The following FAM168A variants were observed in gnomAD, a reference collection of about 807,000 sequenced individuals.
FAM168A encodes the protein family with sequence similarity 168 member A, also known as protein FAM168A.
In FAM168A, 3 loss-of-function variants were observed where a neutral mutation model predicts 28.5. The observed-to-expected ratio is 0.11, with a 90% CI of 0.05 to 0.27. The LOEUF (loss-of-function observed/expected upper bound fraction) is 0.27. Ranked by LOEUF, FAM168A falls within the 10% of genes least tolerant of loss-of-function variation. The probability of loss-of-function intolerance (pLI) is 1.00; values close to 1 mark genes in which losing one functional copy is unlikely to be tolerated. For synonymous variants in FAM168A, 122 were observed against 124.2 expected (o/e 0.98, Z 0.12); for missense variants, 222 against 311.5 (o/e 0.71, Z 2.16).
intron 1 of FAM168A, among the ~76,000 whole-genome samples, chr11:73,541,980 CA>C (rs1210444352): frequency 6.6e-6 from 1 of 152,154 alleles, no homozygotes; most frequent in East Asian, 1.9e-4. Context: ...ACTTGCTTGG[CA>C]TTACCCAACA....
At chr11:73,576,953 TAA>T (rs11336010) in intron 1 of FAM168A, among the ~76,000 whole-genome samples, 95 of 144,724 alleles carry the variant, frequency 6.6e-4, no homozygotes, top group African/African-American at 1.0e-3. Flanking sequence ...TCCCATTATT[TAA>T]AAAAAAAAAA....
At chr11:73,463,023 C>T (rs148859305) in intron 2 of FAM168A, among the ~76,000 whole-genome samples, 7,257 of 151,606 alleles carry the variant, frequency 0.048, 549 homozygotes, top group African/African-American at 0.16. Context: ...GGCTGGAGTG[C>T]GGTGGCATGA....
At chr11:73,521,622 AT>A (rs1357742251) in intron 1 of FAM168A, among the ~76,000 whole-genome samples, 1 of 152,208 alleles carries the variant, frequency 6.6e-6, no homozygotes, top group Non-Finnish European at 1.5e-5. Flanking sequence ...ACAACCACAG[AT>A]TATCTTCACT....
chr11:73,402,131 A>C lies in FAM168A; in HGVS notation c.*4632T>G, dbSNP rs1866423708. 1 of 152,254 alleles carries C rather than the reference A, an allele frequency of 6.6e-6. No homozygotes were observed. Among genetic ancestry groups the C allele is most frequent in the African/African-American group, 2.4e-5 (1 of 41,456 alleles). The allele number at this position is 152,254 out of a possible 1,614,324, so 9.4% of individuals were successfully genotyped here. On this transcript the variant is annotated 3_prime_UTR_variant, in exon 8 of 8. Transcript: ENST00000356467. The stretch of plus-strand genomic sequence containing the variant: ...CTCTGGATTCCCAAGCTTGGCAAGC[A>C]GCGGGGGCCGCACAGCCAGTAGTGA...
rs142959866 is a variant in FAM168A, at chr11:73,499,556, A to T, written c.-18-31064T>A. 1.9e-3 allele frequency among the ~76,000 whole-genome samples: 295 copies of T among 152,262 alleles called. 3 individuals carry two copies. The highest frequency in any genetic ancestry group is 6.5e-3 in the African/African-American group (269 of 41,566). The stretch of plus-strand genomic sequence containing the variant: ...AATTGAGAGAAGTAGGCTTCAGAAG[A>T]TGGGTAATAAAAAACTATGATGATC... On this transcript the variant is annotated intron_variant, in intron 1 of 7. Transcript: ENST00000356467.
chr11:73,565,125 A>G (rs746302869), intron 1 of FAM168A, among the ~76,000 whole-genome samples: 1 of 152,172 alleles, frequency 6.6e-6, no homozygotes, highest in Non-Finnish European at 1.5e-5. Context: ...ACTTAAGTAC[A>G]CTGTAAAGGA....
chr11:73,547,388 C>T (rs1943772398), intron 1 of FAM168A, among the ~76,000 whole-genome samples: 1 of 151,518 alleles, frequency 6.6e-6, no homozygotes. Flanking sequence ...AAACTAGAAC[C>T]CTTGTGTGCT....
chr11:73,427,264 T>C (rs1249471002), intron 3 of FAM168A, among the ~76,000 whole-genome samples: 2 of 152,074 alleles, frequency 1.3e-5, no homozygotes, highest in Non-Finnish European at 2.9e-5. Flanking sequence ...GTGCTGAGAT[T>C]ACAGGTGTGA....
intron 1 of FAM168A, among the ~76,000 whole-genome samples, chr11:73,493,050 A>C (rs1311987958): frequency 6.6e-6 from 1 of 152,190 alleles, no homozygotes; most frequent in Non-Finnish European, 1.5e-5. Flanking sequence ...ATGGACTGAA[A>C]AACTACCTAT....
At chr11:73,426,873 TTG>T (rs1052110431) in intron 3 of FAM168A, among the ~76,000 whole-genome samples, 14 of 152,348 alleles carry the variant, frequency 9.2e-5, no homozygotes, top group African/African-American at 2.9e-4. Flanking sequence ...CTTATGGATT[TTG>T]TGTGTTTTTG....
chr11:73,502,796 T>C (rs1855035719), intron 1 of FAM168A, among the ~76,000 whole-genome samples: 1 of 152,190 alleles, frequency 6.6e-6, no homozygotes, highest in Admixed American at 6.5e-5. Context: ...ACAAAACTTA[T>C]CCACCACGAT....
At chr11:73,569,327 C>G (rs1216329793) in intron 1 of FAM168A, among the ~76,000 whole-genome samples, 6 of 152,176 alleles carry the variant, frequency 3.9e-5, no homozygotes, top group African/African-American at 1.4e-4. Flanking sequence ...GCTACTAAAA[C>G]AGAGATACAC....
chr11:73,547,850 GA>G (rs35328162), intron 1 of FAM168A, among the ~76,000 whole-genome samples: 2,834 of 138,454 alleles, frequency 0.02, 75 homozygotes, highest in African/African-American at 0.061. Flanking sequence ...AATGAATGGG[GA>G]AAAAAAAAAA....
chr11:73,453,074 C>T (rs963892401), intron 2 of FAM168A, among the ~76,000 whole-genome samples: 9 of 152,162 alleles, frequency 5.9e-5, no homozygotes, highest in African/African-American at 2.2e-4. Flanking sequence ...ACATTTTAAC[C>T]TTGGAGTGGC....
intron 1 of FAM168A, among the ~76,000 whole-genome samples, chr11:73,472,811 A>C (rs1867833425): frequency 6.6e-6 from 1 of 152,218 alleles, no homozygotes; most frequent in Non-Finnish European, 1.5e-5. Context: ...AAGGCTTGAG[A>C]AACTGGAATA....
chr11:73,499,589 A>G (rs1445011048), intron 1 of FAM168A, among the ~76,000 whole-genome samples: 1 of 152,124 alleles, frequency 6.6e-6, no homozygotes, highest in African/African-American at 2.4e-5. Context: ...ATCAAAAGGA[A>G]CATGTTCTAA....
At chr11:73,597,496 G>A (rs7118057) in intron 1 of FAM168A, among the ~76,000 whole-genome samples, 133,163 of 151,540 alleles carry the variant, frequency 0.88, 58,751 homozygotes, top group East Asian at 0.99. Flanking sequence ...TCATTCCCCT[G>A]CCCCTCACCC....
At chr11:73,448,028 A>G (rs1011466394) in intron 2 of FAM168A, among the ~76,000 whole-genome samples, 3 of 152,072 alleles carry the variant, frequency 2.0e-5, no homozygotes, top group South Asian at 4.1e-4. Flanking sequence ...ATTATTACTT[A>G]TGTGTCAAGT....
At chr11:73,565,302 G>A (rs1056212664) in intron 1 of FAM168A, among the ~76,000 whole-genome samples, 1 of 152,124 alleles carries the variant, frequency 6.6e-6, no homozygotes, top group East Asian at 1.9e-4. Flanking sequence ...TATGCGTAAC[G>A]GCTGACAGTT....
Sources: gnomAD v4.1 joint callset for allele counts (sites outside exome capture counted in the v4.1 genomes callset) on GRCh38, gnomAD v4.1.1 for gene constraint, MANE v1.5 for transcripts, NCBI Gene and HGNC (gene_info 2026-07-23, HGNC 2026-07-21) for gene names.